The following KCTD18 variants were observed in gnomAD, a reference collection of about 807,000 sequenced individuals.
KCTD18 encodes BTB/POZ domain-containing protein KCTD18.
KCTD18 carries 22 observed loss-of-function variants against 30.4 expected under a neutral mutation model. That is an observed-to-expected ratio of 0.72 (90% CI 0.52 to 1.03). The LOEUF (loss-of-function observed/expected upper bound fraction) is 1.03, where lower values mean the gene tolerates loss of function less well. KCTD18 is among the 50% of genes least tolerant of loss of function. KCTD18 has a pLI of 0.00. For missense variants in KCTD18, 529 were observed against 547.6 expected (o/e 0.97, Z 0.34); for synonymous variants, 186 against 209.0 (o/e 0.89, Z 0.95).
chr2:200,508,182 C>T (rs1408451765), intron 1 of KCTD18, among the ~76,000 whole-genome samples: 1 of 152,134 alleles, frequency 6.6e-6, no homozygotes, highest in African/African-American at 2.4e-5. Flanking sequence ...GGCTCACTCC[C>T]GGGTTCAAGC....
Position 200,490,230 on chromosome 2 carries a change from A to G in KCTD18, c.1151T>C (p.Leu384Pro). Reference protein sequence around the residue: ...QRVIKLKRTPLCATAPCLPSP... With the variant: ...QRVIKLKRTPPCATAPCLPSP... Reference sequence around the variant, plus strand: ...GGGCAGGCAAGGCGCGGTGGCGCACAGCGGAGTCCTCTTCAGCTTTATCAC... The same window carrying G: ...GGGCAGGCAAGGCGCGGTGGCGCACGGCGGAGTCCTCTTCAGCTTTATCAC... The change falls in exon 7 of 7, where the codon CTG becomes CCG. Residue 384 changes from leucine (L) to proline (P), a missense_variant. Leu to Pro is a moderately conservative substitution (Grantham distance 98). Coordinates refer to ENST00000359878, the MANE Select transcript of KCTD18 (RefSeq NM_152387.4). 6.2e-7 allele frequency: 1 copy of G among 1,614,238 alleles called. No individual in the cohort carries two copies. The highest frequency in any genetic ancestry group is 8.5e-7 in the Non-Finnish European group (1 of 1,180,010).
At chr2:200,500,065 T>C (rs1055717480) in intron 3 of KCTD18, among the ~76,000 whole-genome samples, 1 of 151,820 alleles carries the variant, frequency 6.6e-6, no homozygotes, top group Non-Finnish European at 1.5e-5. Flanking sequence ...AAAAGGCCTT[T>C]GACAAAATTC....
rs918738121 is a variant in KCTD18 at position 200,489,480 on chromosome 2, A to T, written c.*620T>A. Reference sequence around the variant, plus strand: ...TGTGGTGTTTATAAATAAATCTACTAACAGAAAAGAGTAAGAAAAGCCAAT... The same window carrying T: ...TGTGGTGTTTATAAATAAATCTACTTACAGAAAAGAGTAAGAAAAGCCAAT... On this transcript the variant is annotated 3_prime_UTR_variant, in exon 7 of 7. Transcript: ENST00000359878. The T allele has an allele frequency of 5.9e-5, 9 of 152,250 alleles. No individual in the cohort carries two copies. Among genetic ancestry groups the T allele is most frequent in the African/African-American group, 2.2e-4 (9 of 41,472 alleles). The allele number at this position is 152,250 out of a possible 1,614,324, so 9.4% of individuals were successfully genotyped here.
intron 2 of KCTD18, among the ~76,000 whole-genome samples, chr2:200,505,379 C>A (rs1364471497): frequency 3.9e-5 from 6 of 152,222 alleles, no homozygotes; most frequent in South Asian, 2.1e-4. Flanking sequence ...AAGCCATGCA[C>A]CCTGGCATGG....
In KCTD18 at chr2:200,504,396, T is replaced by G. The variant is rs371458842; in HGVS notation, c.372+352A>C. Among the ~76,000 whole-genome samples the G allele has an allele frequency of 2.5e-3, 371 of 150,786 alleles. 2 individuals are homozygous for G. The highest frequency in any genetic ancestry group is 0.01 in the Middle Eastern group (3 of 290). ...ATGGTGTGAAGCCCAGAGGCGGAGC[T>G]TGCAGTGAGCCAAAATCCCGCCACT... is the stretch of plus-strand genomic sequence containing the variant. On this transcript the variant is annotated intron_variant, in intron 3 of 6. Coordinates refer to ENST00000359878, the MANE Select transcript of KCTD18 (RefSeq NM_152387.4).
chr2:200,498,315 G>A (rs777938388), intron 4 of KCTD18, among the ~76,000 whole-genome samples: 1 of 152,032 alleles, frequency 6.6e-6, no homozygotes, highest in South Asian at 2.1e-4. Context: ...ACTAATATTC[G>A]ACCCAATCCC....
chr2:200,502,211 G>A (rs1308087468), intron 3 of KCTD18, among the ~76,000 whole-genome samples: 3 of 151,830 alleles, frequency 2.0e-5, no homozygotes, highest in Admixed American at 1.3e-4. Flanking sequence ...TGGGTGCAGC[G>A]CACTAGCATG....
intron 3 of KCTD18, among the ~76,000 whole-genome samples, chr2:200,502,170 G>A (rs1274355338): frequency 6.6e-6 from 1 of 152,056 alleles, no homozygotes; most frequent in Admixed American, 6.6e-5. Flanking sequence ...ATAGCATTGG[G>A]AGATATACCT....
chr2:200,503,285 C>A, intron 3 of KCTD18, among the ~76,000 whole-genome samples: 1 of 152,192 alleles, frequency 6.6e-6, no homozygotes. Context: ...CCTACCATGT[C>A]TTGCACTTTC....
At chr2:200,504,674 G>T in intron 3 of KCTD18, 74 bp downstream of exon 3, 1 of 1,016,686 alleles carries the variant, frequency 9.8e-7, no homozygotes, top group Non-Finnish European at 1.5e-6. Context: ...GAAAACACAG[G>T]CTATGCAAAA....
chr2:200,493,109 A>G (rs2087944928), intron 6 of KCTD18, 63 bp downstream of exon 6: 2 of 913,416 alleles, frequency 2.2e-6, no homozygotes, highest in African/African-American at 1.6e-5. Flanking sequence ...TTCCCTTCAC[A>G]AAGGCAGTAA....
chr2:200,498,217 T>C (rs558032634), intron 4 of KCTD18, among the ~76,000 whole-genome samples: 34 of 152,274 alleles, frequency 2.2e-4, no homozygotes, highest in Non-Finnish European at 2.9e-4. Flanking sequence ...ACATCTTACA[T>C]AGAAGCATCC....
chr2:200,502,365 T>A (rs2029902445), intron 3 of KCTD18, among the ~76,000 whole-genome samples: 1 of 152,160 alleles, frequency 6.6e-6, no homozygotes. Context: ...TCTTTTCCCT[T>A]TAGAGTAATT....
At position 200,490,269 on chromosome 2, in the gene KCTD18, G is replaced by C; in HGVS notation, c.1112C>G (p.Pro371Arg). The C allele has an allele frequency of 6.2e-7, 1 of 1,614,266 alleles. No homozygotes were observed. Among genetic ancestry groups the C allele is most frequent in the Non-Finnish European group, 8.5e-7 (1 of 1,180,054 alleles). ...PAKVLLSDKK[P>R]TPQRVIKLKR... ...CAGCTTTATCACCCGCTGGGGTGTA[G>C]GCTTCTTGTCGGAGAGTAGCACCTT... Residue 371 changes from proline to arginine, a missense_variant, in exon 7 of 7, where the codon CCT (proline) becomes CGT (arginine). Coordinates refer to ENST00000359878, the MANE Select transcript of KCTD18 (RefSeq NM_152387.4).
chr2:200,499,209 A>C, intron 3 of KCTD18, 125 bp from the exon 4 acceptor site: 1 of 674,226 alleles, frequency 1.5e-6, no homozygotes, highest in Non-Finnish European at 2.4e-6. Flanking sequence ...AAAAGATTAT[A>C]TATTTCAGCT....
chr2:200,499,420 C>T (rs183776405), intron 3 of KCTD18, among the ~76,000 whole-genome samples: 2 of 152,242 alleles, frequency 1.3e-5, no homozygotes, highest in East Asian at 1.9e-4. Context: ...TAAGATCATT[C>T]CTCCACTGCC....
intron 5 of KCTD18, chr2:200,495,772 T>G (rs536787906): frequency 2.0e-5 from 3 of 152,204 alleles, no homozygotes; most frequent in African/African-American, 7.2e-5. Context: ...TTCTTTCTAT[T>G]AAGGATATAC....
intron 3 of KCTD18, among the ~76,000 whole-genome samples, chr2:200,504,409 A>C (rs2106283953): frequency 6.6e-6 from 1 of 151,880 alleles, no homozygotes; most frequent in South Asian, 2.1e-4. Context: ...CAGTGAGCCA[A>C]AATCCCGCCA....
At chr2:200,505,620 G>A (rs575605691) in intron 2 of KCTD18, among the ~76,000 whole-genome samples, 15 of 152,256 alleles carry the variant, frequency 9.9e-5, no homozygotes, top group African/African-American at 3.6e-4. Context: ...TATCTCAGCT[G>A]GACTAGAACA....
Sources: allele counts gnomAD v4.1 joint callset (sites outside exome capture counted in the v4.1 genomes callset), GRCh38; gene constraint gnomAD v4.1.1; transcripts MANE v1.5; gene names NCBI Gene and HGNC (gene_info 2026-07-23, HGNC 2026-07-21).